The following RABGAP1L variants were observed in gnomAD, a reference collection of about 807,000 sequenced individuals.
The protein encoded by RABGAP1L is RAB GTPase activating protein 1 like, also known as rab GTPase-activating protein 1-like.
In RABGAP1L, 63 loss-of-function variants were observed where a neutral mutation model predicts 137.7. The ratio of observed to expected loss-of-function variants is 0.46; its 90% CI spans 0.37 to 0.56. RABGAP1L has a LOEUF of 0.56. RABGAP1L is among the 20% of genes least tolerant of loss of function. RABGAP1L has a pLI of 0.00. For synonymous variants in RABGAP1L, 431 were observed against 433.7 expected (o/e 0.99, Z 0.08); for missense variants, 1,095 against 1,244.0 (o/e 0.88, Z 1.80).
chr1:174,254,210 G>A (rs1013205073), intron 7 of RABGAP1L, among the ~76,000 whole-genome samples: 3 of 152,086 alleles, frequency 2.0e-5, no homozygotes, highest in Admixed American at 1.3e-4. Context: ...GCATGCATGT[G>A]TTTTTAATTG....
chr1:174,850,149 C>T (rs775065592), intron 19 of RABGAP1L: 338 of 459,268 alleles, frequency 7.4e-4, no homozygotes, highest in Non-Finnish European at 8.9e-4. Context: ...CCTGATCCTG[C>T]GAGTCACTGC....
intron 20 of RABGAP1L, among the ~76,000 whole-genome samples, chr1:174,959,636 C>G (rs1668907803): frequency 6.6e-6 from 1 of 152,152 alleles, no homozygotes; most frequent in African/African-American, 2.4e-5. Context: ...TTCTTATTTA[C>G]ACATATCGGA....
At chr1:174,836,853 ACTC>A (rs900021044) in intron 19 of RABGAP1L, among the ~76,000 whole-genome samples, 6 of 152,066 alleles carry the variant, frequency 3.9e-5, no homozygotes, top group Non-Finnish European at 8.8e-5. Context: ...GTGCTTTGTA[ACTC>A]CTTGGATGAA....
intron 13 of RABGAP1L, among the ~76,000 whole-genome samples, chr1:174,461,230 C>T (rs1656653004): frequency 6.6e-6 from 1 of 152,052 alleles, no homozygotes; most frequent in Non-Finnish European, 1.5e-5. Context: ...AGGATATGTT[C>T]CTAAGCAGAA....
At chr1:174,859,969 TTTTTTTTC>T (rs955954364) in intron 19 of RABGAP1L, among the ~76,000 whole-genome samples, 9 of 129,756 alleles carry the variant, frequency 6.9e-5, no homozygotes, top group East Asian at 6.1e-4. Context: ...TTTTTTTTTT[TTTTTTTTC>T]CAAATAAAGT....
chr1:174,573,788 G>GT (rs1397067646), intron 13 of RABGAP1L, among the ~76,000 whole-genome samples: 3 of 151,890 alleles, frequency 2.0e-5, no homozygotes. Context: ...GCTGAGAGTA[G>GT]TAAGTGCTTA....
chr1:174,170,568 G>A (rs934163751), intron 1 of RABGAP1L, among the ~76,000 whole-genome samples: 5 of 151,700 alleles, frequency 3.3e-5, no homozygotes, highest in African/African-American at 9.7e-5. Context: ...CCAGCTGCTC[G>A]GGAGGCTGAG....
intron 5 of RABGAP1L, among the ~76,000 whole-genome samples, chr1:174,243,451 T>C (rs1244609585): frequency 4.6e-5 from 7 of 152,230 alleles, no homozygotes; most frequent in Admixed American, 1.3e-4. Context: ...TGGTAAAATA[T>C]ATTGTTTGAA....
chr1:174,371,187 T>C lies in RABGAP1L; in HGVS notation c.1559+115T>C, dbSNP rs1055190987. 2.4e-5 allele frequency: 10 copies of C among 424,404 alleles called. No individual in the cohort carries two copies. The Admixed American group carries it at 2.8e-4, about 12-fold the overall frequency. 26.3% of individuals were successfully genotyped at this position (424,404 alleles called of 1,614,324 possible). A position where few individuals can be genotyped will look rare whatever the true frequency, so the allele number is the denominator to read the frequency against. ...TAAAGGATTAATATTAAAATCTATC[T>C]TAATATCTTAATATTGTTTAAAAAC... On this transcript the variant is annotated intron_variant, in intron 12 of 25. Coordinates refer to ENST00000681986, the MANE Select transcript of RABGAP1L (RefSeq NM_001366446.1).
chr1:174,768,095 C>T (rs561225616), intron 18 of RABGAP1L, among the ~76,000 whole-genome samples: 1 of 152,306 alleles, frequency 6.6e-6, no homozygotes, highest in Admixed American at 6.5e-5. Flanking sequence ...GACACAAAGC[C>T]AAATTGTATC....
At chr1:174,503,672 A>AAAAAAAG (rs985872294) in intron 13 of RABGAP1L, among the ~76,000 whole-genome samples, 4 of 138,460 alleles carry the variant, frequency 2.9e-5, no homozygotes, top group Admixed American at 2.9e-4. Flanking sequence ...AAAAAAAAAA[A>AAAAAAAG]AAAGAAATGT....
chr1:174,642,796 CCTCTTCTCTT>C (rs1239491219), intron 14 of RABGAP1L, among the ~76,000 whole-genome samples: 1 of 136,792 alleles, frequency 7.3e-6, no homozygotes, highest in Non-Finnish European at 1.5e-5. Context: ...CCTCTTCTCT[CCTCTTCTCTT>C]CGGGGTCTTG....
chr1:174,768,559 C>T (rs1793300), intron 18 of RABGAP1L, among the ~76,000 whole-genome samples: 63,291 of 152,164 alleles, frequency 0.42, 15,411 homozygotes, highest in Non-Finnish European at 0.54. Context: ...ACTGTACATG[C>T]GGCCCCACCC....
intron 13 of RABGAP1L, among the ~76,000 whole-genome samples, chr1:174,597,376 C>A (rs996619060): frequency 1.3e-5 from 2 of 152,106 alleles, no homozygotes; most frequent in African/African-American, 4.8e-5. Context: ...CTTTTTATTA[C>A]ATCTCAGTCT....
At chr1:174,582,994 A>G (rs1362958436) in intron 13 of RABGAP1L, among the ~76,000 whole-genome samples, 1 of 152,214 alleles carries the variant, frequency 6.6e-6, no homozygotes, top group Non-Finnish European at 1.5e-5. Context: ...TAAATCTCTA[A>G]ATTAACACAC....
rs138284916 is a variant in RABGAP1L, at chr1:174,222,623, T to C, written c.331+1459T>C. On this transcript the variant is annotated intron_variant, in intron 3 of 25. Coordinates refer to ENST00000681986, the MANE Select transcript of RABGAP1L (RefSeq NM_001366446.1). ...TAATCAAATATCTATCAAAGTCTTATGTTTTATGCTGAAATTTAAAATGCG... is the reference window on the plus strand; with the variant it reads ...TAATCAAATATCTATCAAAGTCTTACGTTTTATGCTGAAATTTAAAATGCG... 2.0e-4 allele frequency among the ~76,000 whole-genome samples: 31 copies of C among 152,342 alleles called. No individual in the cohort carries two copies. The East Asian group carries it at 4.8e-3, about 24-fold the overall frequency.
At chr1:174,542,479 T>C (rs988893548) in intron 13 of RABGAP1L, among the ~76,000 whole-genome samples, 84 of 152,314 alleles carry the variant, frequency 5.5e-4, no homozygotes, top group African/African-American at 1.8e-3. Context: ...TTGATTCTTC[T>C]CTCTTTTTTT....
chr1:174,423,454 G>A lies in RABGAP1L; in HGVS notation c.1710+29309G>A, dbSNP rs375298797. Among the ~76,000 whole-genome samples, 7 of 150,702 alleles carry A rather than the reference G, an allele frequency of 4.6e-5. No individual in the cohort carries two copies. The East Asian group carries it at 5.8e-4, about 12-fold the overall frequency. ...GCTTCTTTATTCTGTTCTGGAAAAT[G>A]TACTATGAATAAAACTGCTTTTTCT... On this transcript the variant is annotated intron_variant, in intron 13 of 25. Transcript: ENST00000681986.
chr1:174,367,463 T>C (rs1684747930), intron 11 of RABGAP1L: 1 of 211,736 alleles, frequency 4.7e-6, no homozygotes, highest in Admixed American at 6.0e-5. Flanking sequence ...CTGAACCTTC[T>C]TCAGGCCTCT....
Sources: allele counts gnomAD v4.1 joint callset (sites outside exome capture counted in the v4.1 genomes callset), GRCh38; gene constraint gnomAD v4.1.1; transcripts MANE v1.5; gene names NCBI Gene and HGNC (gene_info 2026-07-23, HGNC 2026-07-21).